Variants in RNLS observed in about 807,000 individuals in gnomAD.
RNLS encodes renalase, FAD dependent amine oxidase, also known as renalase.
In RNLS, 39 loss-of-function variants were observed where a neutral mutation model predicts 39.8. That is an observed-to-expected ratio of 0.98 (90% CI 0.76 to 1.28). RNLS has a LOEUF of 1.28. Among genes scored for constraint, RNLS ranks in the 50% most tolerant of loss-of-function variants. The pLI is 0.00. For missense variants in RNLS, 410 were observed against 413.3 expected (o/e 0.99, Z 0.07); for synonymous variants, 147 against 150.7 (o/e 0.98, Z 0.18).
At chr10:88,286,712 C>T (rs1387722185) in intron 6 of RNLS, among the ~76,000 whole-genome samples, 5 of 151,772 alleles carry the variant, frequency 3.3e-5, no homozygotes, top group Non-Finnish European at 5.9e-5. Flanking sequence ...AAAAAAAAAT[C>T]AAGAAATGTA....
chr10:88,392,398 G>C (rs556730202), intron 4 of RNLS, among the ~76,000 whole-genome samples: 1 of 152,322 alleles, frequency 6.6e-6, no homozygotes, highest in Admixed American at 6.5e-5. Context: ...GCCTAACCTT[G>C]TGGCTCTATG....
At chr10:88,198,370 A>G in the RNLS span, among the ~76,000 whole-genome samples, 1 of 152,198 alleles carries the variant, frequency 6.6e-6, no homozygotes, top group South Asian at 2.1e-4. Context: ...GCCCAACGTT[A>G]TTAGAGGGAA....
intron 4 of RNLS, among the ~76,000 whole-genome samples, chr10:88,567,759 CA>C (rs1316700052): frequency 6.6e-6 from 1 of 152,040 alleles, no homozygotes; most frequent in East Asian, 1.9e-4. Flanking sequence ...AAATGATACT[CA>C]AGGAAAAAAA....
chr10:88,514,093 A>T (rs1173245616), intron 4 of RNLS, among the ~76,000 whole-genome samples: 1 of 151,982 alleles, frequency 6.6e-6, no homozygotes, highest in East Asian at 1.9e-4. Flanking sequence ...ACACTGCAAT[A>T]AACAACTGCC....
At chr10:88,562,879 G>C (rs1323561450) in intron 4 of RNLS, among the ~76,000 whole-genome samples, 1 of 152,056 alleles carries the variant, frequency 6.6e-6, no homozygotes, top group Non-Finnish European at 1.5e-5. Flanking sequence ...TTTCATGCTG[G>C]ATTTAAAAAC....
At chr10:88,350,081 A>G (rs964770467) in intron 5 of RNLS, among the ~76,000 whole-genome samples, 1 of 152,062 alleles carries the variant, frequency 6.6e-6, no homozygotes, top group Non-Finnish European at 1.5e-5. Flanking sequence ...GTTTTTCATG[A>G]TTATGGTTCT....
intron 4 of RNLS, among the ~76,000 whole-genome samples, chr10:88,497,767 T>C (rs1450749628): frequency 6.6e-6 from 1 of 151,990 alleles, no homozygotes; most frequent in Non-Finnish European, 1.5e-5. Context: ...CAATAAAAGT[T>C]CTGGGAGAAA....
At chr10:88,501,363 A>C (rs1299729713) in intron 4 of RNLS, among the ~76,000 whole-genome samples, 2 of 152,160 alleles carry the variant, frequency 1.3e-5, no homozygotes, top group Non-Finnish European at 2.9e-5. Flanking sequence ...CACATTAGAC[A>C]TTCAATTAAC....
At chr10:88,313,938 C>G (rs1031936299) in intron 6 of RNLS, among the ~76,000 whole-genome samples, 1 of 152,070 alleles carries the variant, frequency 6.6e-6, no homozygotes, top group Non-Finnish European at 1.5e-5. Context: ...TTAATTTAAC[C>G]CTGAAAAACA....
chr10:88,224,848 T>C, the RNLS span, among the ~76,000 whole-genome samples: 1 of 152,204 alleles, frequency 6.6e-6, no homozygotes, highest in Non-Finnish European at 1.5e-5. Flanking sequence ...TGACAGTAAG[T>C]AGTGTATTAT....
intron 5 of RNLS, among the ~76,000 whole-genome samples, chr10:88,327,552 A>G (rs1345971281): frequency 6.6e-6 from 1 of 152,174 alleles, no homozygotes; most frequent in Non-Finnish European, 1.5e-5. Context: ...GCCATGCAGA[A>G]CTGTGAGTCA....
At chr10:88,246,054 A>G in the RNLS span, among the ~76,000 whole-genome samples, 1 of 152,262 alleles carries the variant, frequency 6.6e-6, no homozygotes, top group Non-Finnish European at 1.5e-5. Flanking sequence ...AAGCTAAAAC[A>G]TCACAGAGCT....
At chr10:88,224,757 CTT>C in the RNLS span, among the ~76,000 whole-genome samples, 1 of 152,272 alleles carries the variant, frequency 6.6e-6, no homozygotes, top group Admixed American at 6.5e-5. Context: ...TACGTGCAAT[CTT>C]TTCTGTTTAT....
intron 6 of RNLS, among the ~76,000 whole-genome samples, chr10:88,311,592 C>T (rs1242488098): frequency 6.6e-6 from 1 of 152,168 alleles, no homozygotes; most frequent in Non-Finnish European, 1.5e-5. Context: ...CTTCACCTGC[C>T]TCTTTCCTCA....
At chr10:88,463,757 G>C (rs1044787262) in intron 4 of RNLS, among the ~76,000 whole-genome samples, 3 of 151,806 alleles carry the variant, frequency 2.0e-5, no homozygotes, top group African/African-American at 7.3e-5. Context: ...TCTAGTATTT[G>C]GCTAAAAAAT....
intron 4 of RNLS, among the ~76,000 whole-genome samples, chr10:88,425,506 T>C (rs779816566): frequency 3.3e-5 from 5 of 152,146 alleles, no homozygotes; most frequent in African/African-American, 9.7e-5. Context: ...GTTTTCATTA[T>C]GCTGCATTTA....
At chr10:88,271,533 AGTGACAGCAAAACTTCC>A (rs952906513), downstream of RNLS, among the ~76,000 whole-genome samples, 1 of 152,106 alleles carries the variant, frequency 6.6e-6, no homozygotes, top group African/African-American at 2.4e-5. Flanking sequence ...TTTTCTTCTT[AGTGACAGCAAAACTTCC>A]GTGACAGCAA....
At chr10:88,440,197 T>C (rs1206160153) in intron 4 of RNLS, among the ~76,000 whole-genome samples, 1 of 152,240 alleles carries the variant, frequency 6.6e-6, no homozygotes, top group Non-Finnish European at 1.5e-5. Flanking sequence ...TGGTTGAAGA[T>C]GTCAGTCCTC....
intron 4 of RNLS, among the ~76,000 whole-genome samples, chr10:88,544,805 T>C (rs1016472323): frequency 4.6e-5 from 7 of 152,220 alleles, no homozygotes; most frequent in African/African-American, 1.7e-4. Context: ...TCTTCTTTCA[T>C]GGCTTTGGTG....
Sources: allele counts gnomAD v4.1 joint callset (sites outside exome capture counted in the v4.1 genomes callset), GRCh38; gene constraint gnomAD v4.1.1; transcripts MANE v1.5; gene names NCBI Gene and HGNC (gene_info 2026-07-23, HGNC 2026-07-21).